The following CLDN10 variants were observed in gnomAD, a reference collection of about 807,000 sequenced individuals.
The protein encoded by CLDN10 is claudin-10.
Under a neutral mutation model 22.9 loss-of-function variants are expected in CLDN10, and 15 were observed. The observed-to-expected ratio is 0.65, with a 90% CI of 0.44 to 1.01. CLDN10 has a LOEUF of 1.01. Among genes scored for constraint, CLDN10 ranks in the 50% least tolerant of loss-of-function variants. CLDN10 has a pLI of 0.00. For missense variants in CLDN10, 247 were observed against 287.8 expected (o/e 0.86, Z 1.03); for synonymous variants, 114 against 111.4 (o/e 1.02, Z -0.15).
chr13:95,444,325 A>ATCC (rs2042351903), intron 1 of CLDN10, among the ~76,000 whole-genome samples: 5 of 152,362 alleles, frequency 3.3e-5, no homozygotes, highest in African/African-American at 1.2e-4. Flanking sequence ...CTTGAATTGC[A>ATCC]GAAGGCAGCA....
At chr13:95,574,325 TA>T (rs547389254) in intron 3 of CLDN10, among the ~76,000 whole-genome samples, 34 of 148,952 alleles carry the variant, frequency 2.3e-4, no homozygotes, top group East Asian at 2.0e-3. Context: ...TCCAAATTGT[TA>T]AAAAAAAAAT....
intron 1 of CLDN10, among the ~76,000 whole-genome samples, chr13:95,437,589 G>C (rs1224114648): frequency 6.6e-6 from 1 of 152,200 alleles, no homozygotes; most frequent in Non-Finnish European, 1.5e-5. Flanking sequence ...TCATGTTCCT[G>C]TCGTGCCCCT....
At chr13:95,491,499 A>G (rs1010904539) in intron 1 of CLDN10, among the ~76,000 whole-genome samples, 3 of 151,808 alleles carry the variant, frequency 2.0e-5, no homozygotes, top group Non-Finnish European at 4.4e-5. Flanking sequence ...TATGTCCAAA[A>G]TTTCCTGAAT....
intron 1 of CLDN10, among the ~76,000 whole-genome samples, chr13:95,449,830 G>A (rs547035825): frequency 8.4e-4 from 123 of 147,092 alleles, no homozygotes; most frequent in African/African-American, 2.8e-3. Flanking sequence ...TGCAAGCTCC[G>A]CCTCCCGGGT....
At chr13:95,545,913 G>A (rs1054817531) in intron 1 of CLDN10, among the ~76,000 whole-genome samples, 8 of 152,126 alleles carry the variant, frequency 5.3e-5, no homozygotes, top group South Asian at 4.1e-4. Flanking sequence ...CTCAAAGCAC[G>A]CAGAAGACAG....
At chr13:95,543,936 A>G (rs2043483886) in intron 1 of CLDN10, among the ~76,000 whole-genome samples, 1 of 152,226 alleles carries the variant, frequency 6.6e-6, no homozygotes, top group African/African-American at 2.4e-5. Context: ...AAAGGATATG[A>G]CATTCCTTCT....
intron 1 of CLDN10, among the ~76,000 whole-genome samples, chr13:95,487,439 T>C (rs1281759841): frequency 6.6e-6 from 1 of 152,242 alleles, no homozygotes; most frequent in African/African-American, 2.4e-5. Flanking sequence ...ATTCTTGAAA[T>C]TTCCTCTGCA....
At chr13:95,471,594 A>C (rs1446305935) in intron 1 of CLDN10, among the ~76,000 whole-genome samples, 4 of 151,558 alleles carry the variant, frequency 2.6e-5, no homozygotes, top group Admixed American at 2.6e-4. Flanking sequence ...CTGGGATTAC[A>C]GTCGCTCACC....
intron 1 of CLDN10, among the ~76,000 whole-genome samples, chr13:95,444,479 C>T (rs1267065543): frequency 6.6e-6 from 1 of 152,180 alleles, no homozygotes. Flanking sequence ...AGGACAGGGG[C>T]AGTTCTTCAG....
At chr13:95,456,314 C>T (rs1027624831) in intron 1 of CLDN10, among the ~76,000 whole-genome samples, 2 of 152,172 alleles carry the variant, frequency 1.3e-5, no homozygotes, top group Non-Finnish European at 1.5e-5. Context: ...TTACCTATTC[C>T]TTGTCTGTTC....
intron 1 of CLDN10, among the ~76,000 whole-genome samples, chr13:95,449,514 G>C (rs993702190): frequency 6.6e-5 from 10 of 152,074 alleles, no homozygotes; most frequent in African/African-American, 2.4e-4. Flanking sequence ...GCCTCCTAAA[G>C]TGCTGGGATT....
intron 1 of CLDN10, among the ~76,000 whole-genome samples, chr13:95,483,633 CAGA>C (rs1352038346): frequency 1.3e-5 from 2 of 152,192 alleles, no homozygotes; most frequent in African/African-American, 4.8e-5. Context: ...CAGGAGTGGG[CAGA>C]GCAGTGACGT....
At position 95,453,417 on chromosome 13, in the gene CLDN10, T is replaced by A. The variant is rs923174015; in HGVS notation, c.214+19370T>A. ...CAAGCACAGAGGCTGGGCTGGTGGC[T>A]CAAGCCTGTAATCCCAGCACTTTGG... On this transcript the variant is annotated intron_variant, in intron 1 of 4. Coordinates refer to the CLDN10 transcript ENST00000376873. Among the ~76,000 whole-genome samples the A allele has an allele frequency of 2.0e-5, 3 of 152,268 alleles. No individual in the cohort carries two copies. In the East Asian group the frequency reaches 5.8e-4, roughly 29 times the overall value.
rs758369755 is a variant in CLDN10 at position 95,560,476 on chromosome 13, C to T, written c.464+13C>T. The T allele has an allele frequency of 1.3e-6, 2 of 1,595,080 alleles. No homozygotes were observed. The highest frequency in any genetic ancestry group is 3.3e-5 in the Admixed American group (2 of 59,978). On this transcript the variant is annotated intron_variant, in intron 3 of 4. Transcript: ENST00000299339. ...TTGTTGAGCAAAAGTAAGTACTCTT[C>T]TCAGTCTGTTTCCAGCTCACAGGAA...
intron 1 of CLDN10, among the ~76,000 whole-genome samples, chr13:95,537,946 C>G (rs1251522972): frequency 6.6e-6 from 1 of 152,170 alleles, no homozygotes; most frequent in Non-Finnish European, 1.5e-5. Context: ...AAAACTACAT[C>G]CTTCAGTGGC....
intron 1 of CLDN10, among the ~76,000 whole-genome samples, chr13:95,459,826 T>C (rs1284701197): frequency 1.3e-5 from 2 of 152,262 alleles, no homozygotes; most frequent in African/African-American, 4.8e-5. Context: ...TTCTTTTATA[T>C]TGCATTGTCA....
intron 1 of CLDN10, among the ~76,000 whole-genome samples, chr13:95,482,289 C>T (rs1299400898): frequency 6.6e-6 from 1 of 152,098 alleles, no homozygotes; most frequent in South Asian, 2.1e-4. Context: ...ATAGGCTATA[C>T]AGAAACAGGT....
intron 1 of CLDN10, among the ~76,000 whole-genome samples, chr13:95,472,866 T>C (rs2042649441): frequency 6.6e-6 from 1 of 151,314 alleles, no homozygotes; most frequent in African/African-American, 2.4e-5. Context: ...TCTGTCCTGG[T>C]GCAGTGGCTC....
In CLDN10 at chr13:95,500,954, AG is replaced by A. The variant is rs1180370166; in HGVS notation, c.215-59175del. Among the ~76,000 whole-genome samples, 4 of 152,154 alleles carry A rather than the reference AG, an allele frequency of 2.6e-5. 1 individual carries two copies. Among genetic ancestry groups the A allele is most frequent in the Middle Eastern group, 6.3e-3 (2 of 316 alleles). ...AGAAGCAGAGAGGGCGCGGCATGTA[AG>A]GGATACCATCGAGGGCAGATCATTT... On this transcript the variant is annotated intron_variant, in intron 1 of 4. Coordinates refer to the CLDN10 transcript ENST00000376873.
Sources: gnomAD v4.1 joint callset for allele counts (sites outside exome capture counted in the v4.1 genomes callset) on GRCh38, gnomAD v4.1.1 for gene constraint, MANE v1.5 for transcripts, NCBI Gene and HGNC (gene_info 2026-07-23, HGNC 2026-07-21) for gene names.